Variants in BOD1L1 observed in about 807,000 individuals in gnomAD.
The protein encoded by BOD1L1 is biorientation of chromosomes in cell division protein 1-like 1.
In BOD1L1, 86 loss-of-function variants were observed where a neutral mutation model predicts 240.7. The observed-to-expected ratio is 0.36, with a 90% confidence interval of 0.30 to 0.43. BOD1L1 has a LOEUF of 0.43. Ranked by LOEUF, BOD1L1 falls within the 20% of genes least tolerant of loss-of-function variation. The pLI, the probability that BOD1L1 is intolerant of heterozygous loss-of-function variation, is 1.00. For missense variants in BOD1L1, 3,554 were observed against 3,643.5 expected, an observed-to-expected ratio of 0.98 and a Z score of 0.63; for synonymous variants, 1,268 against 1,272.3, an observed-to-expected ratio of 1.00 and a Z score of 0.07.
rs1442635065 is a variant in BOD1L1, at chr4:13,601,143, A to T, written c.5757T>A (p.Ala1919=). ...CATTTGCATTCATGATGGCAGCTCC[A>T]GCCTCAGCTTCCACATGCTCTACCA... is the stretch of plus-strand genomic sequence containing the variant. ...GTVVEHVEAE[A]GAAIMNANEN... is the part of the protein sequence containing the mutation. The change falls in exon 10 of 26, where the codon GCT becomes GCA. Residue 1919 remains alanine, a synonymous_variant. Transcript: ENST00000040738. 1.2e-6 allele frequency: 2 copies of T among 1,614,026 alleles called. No individual in the cohort carries two copies. Among genetic ancestry groups the T allele is most frequent in the Non-Finnish European group, 1.7e-6 (2 of 1,179,898 alleles).
intron 11 of BOD1L1, among the ~76,000 whole-genome samples, chr4:13,596,624 A>G (rs1308963376): frequency 2.0e-5 from 3 of 151,166 alleles, no homozygotes; most frequent in African/African-American, 7.3e-5. Context: ...GCATGATGGG[A>G]AGCCACCACA....
chr4:13,600,324 C>T lies in BOD1L1; in HGVS notation c.6576G>A (p.Gly2192=). The change falls in exon 10 of 26, where the codon GGG becomes GGA. Residue 2192 remains glycine (G), a synonymous_variant. Transcript: ENST00000040738. The part of the protein sequence containing the change: ...PVLISTADFE[G]PMPSAPPEAE... Reference sequence around the variant, plus strand: ...CTTCTGGGGGCGCACTGGGCATAGGCCCCTCAAAGTCGGCGGTGCTTATCA... The same window carrying T: ...CTTCTGGGGGCGCACTGGGCATAGGTCCCTCAAAGTCGGCGGTGCTTATCA... 2.5e-6 allele frequency: 4 copies of T among 1,614,040 alleles called. No individual in the cohort carries two copies. The highest frequency in any genetic ancestry group is 3.4e-6 in the Non-Finnish European group (4 of 1,179,900).
intron 2 of BOD1L1, 100 bp from the exon 3 acceptor site, chr4:13,615,602 T>G: frequency 1.8e-6 from 2 of 1,125,842 alleles, no homozygotes; most frequent in Non-Finnish European, 2.5e-6. Context: ...TATCTATCCA[T>G]CCATCCAACC....
chr4:13,620,946 A>G (rs980586987), intron 1 of BOD1L1, among the ~76,000 whole-genome samples: 3 of 152,142 alleles, frequency 2.0e-5, no homozygotes, highest in Non-Finnish European at 4.4e-5. Context: ...GTCTGGAGAC[A>G]TTTTAGGTTG....
chr4:13,607,325 G>A (rs964640981), intron 8 of BOD1L1, 136 bp from the exon 9 acceptor site: 1 of 321,594 alleles, frequency 3.1e-6, no homozygotes, highest in Admixed American at 5.3e-5. Context: ...TTGAGGTGGA[G>A]TCTTGCTCTT....
Position 13,603,575 on chromosome 4 carries a change from C to G in BOD1L1, c.3325G>C (p.Gly1109Arg). The G allele has an allele frequency of 6.2e-7, 1 of 1,613,990 alleles. No homozygotes were observed. The highest frequency in any genetic ancestry group is 1.7e-5 in the Admixed American group (1 of 60,034). ...GSSLQRPKKSGDMTLIPEQEP... is the reference protein window; with the variant it reads ...GSSLQRPKKSRDMTLIPEQEP... ...TGTTCAGGGATCAATGTCATATCAC[C>G]ACTCTTTTTTGGTCTCTGAAGGGAG... Residue 1109 changes from glycine to arginine, a missense_variant, in exon 10 of 26, where the codon GGT (glycine) becomes CGT (arginine). Coordinates refer to ENST00000040738, the MANE Select transcript of BOD1L1 (RefSeq NM_148894.3).
At position 13,601,680 on chromosome 4, in the gene BOD1L1, C is replaced by A. The variant is rs1715187832; in HGVS notation, c.5220G>T (p.Val1740=). 2.5e-6 allele frequency: 4 copies of A among 1,613,868 alleles called. No homozygotes were observed. The African/African-American group carries it at 5.3e-5, about 22-fold the overall frequency. ...GCCCTGCTCCAGTTACTGAGCAGAT[C>A]ACAAAGTTATCACTTCTGCCTTCTG... ...TGAEGRSDNF[V]ICSVTGAGPR... is the part of the protein sequence containing the mutation. The change falls in exon 10 of 26, where the codon GTG becomes GTT. Residue 1740 remains valine, a synonymous_variant. Transcript: ENST00000040738.
Position 13,603,411 on chromosome 4 carries a change from T to G in BOD1L1, c.3489A>C (p.Gln1163His), listed in dbSNP as rs1279867515. The change falls in exon 10 of 26, where the codon CAA becomes CAC. Residue 1163 changes from glutamine to histidine, a missense_variant. Physicochemically the swap from Gln to His is conservative, Grantham distance 24. Coordinates refer to ENST00000040738, the MANE Select transcript of BOD1L1 (RefSeq NM_148894.3). Reference protein sequence around the residue: ...NMKQKTSATVQKDELRTCTAD... With the variant: ...NMKQKTSATVHKDELRTCTAD... ...CTGTGCAAGTTCTCAATTCATCCTT[T>G]TGAACAGTGGCAGAAGTTTTTTGTT... The G allele has an allele frequency of 6.2e-7, 1 of 1,613,744 alleles. No homozygotes were observed. The highest frequency in any genetic ancestry group is 2.2e-5 in the East Asian group (1 of 44,888).
At chr4:13,590,894 T>G (rs1468763377) in intron 13 of BOD1L1, among the ~76,000 whole-genome samples, 1 of 152,146 alleles carries the variant, frequency 6.6e-6, no homozygotes, top group African/African-American at 2.4e-5. Context: ...TATAATATCC[T>G]AAGTCCTAGC....
chr4:13,613,613 A>ACTG lies in BOD1L1; in HGVS notation c.1220_1222dup (p.Thr407_Val408insAla). The ACTG allele has an allele frequency of 6.2e-7, 1 of 1,607,392 alleles. No individual in the cohort carries two copies. Among genetic ancestry groups the ACTG allele is most frequent in the Non-Finnish European group, 8.5e-7 (1 of 1,175,338 alleles). The stretch of plus-strand genomic sequence containing the variant: ...AAGGTCACTGGTATGAACAGAGCTA[A>ACTG]CTGTGATGTCTGTAAGTCCATCCAC... On this transcript the variant is annotated inframe_insertion, in exon 5 of 26. Transcript: ENST00000040738. This position sits in a 1 kb window ranked among gnomAD's most constrained non-coding sequence, Gnocchi z 4.0.
chr4:13,608,899 G>A (rs1715941765), intron 7 of BOD1L1, among the ~76,000 whole-genome samples: 1 of 152,112 alleles, frequency 6.6e-6, no homozygotes. Context: ...TAGGATTAGT[G>A]CCCAGAGGGA....
In BOD1L1 at chr4:13,570,041, CT is replaced by C; in HGVS notation, c.9125del (p.Glu3042GlyfsTer5). On this transcript the variant is annotated frameshift_variant, in exon 26 of 26. Coordinates refer to ENST00000040738, the MANE Select transcript of BOD1L1 (RefSeq NM_148894.3). LOFTEE classifies it high-confidence loss of function. ...GCTTCGCTTTTTTCACAGGGGCTTC[CT>C]CCACCCTTTGCTGGCCTCTTGTTCG... ...GARTRGQQRV[E>X]EAPVKKAKR 1 of 1,606,376 alleles carries C rather than the reference CT, an allele frequency of 6.2e-7. No homozygotes were observed. Among genetic ancestry groups the C allele is most frequent in the South Asian group, 1.1e-5 (1 of 89,944 alleles).
rs748675958 is a variant in BOD1L1, at chr4:13,609,302, C to G, written c.1596G>C (p.Lys532Asn). ...KAEKTKSSKT[K>N]GQGRSSVDLE... is the part of the protein sequence containing the mutation. ...AAAAGTTGACATCTATACCTTGACCCTTGGTTTTTGAAGACTTTGTCTTTT... is the reference window on the plus strand; with the variant it reads ...AAAAGTTGACATCTATACCTTGACCGTTGGTTTTTGAAGACTTTGTCTTTT... Residue 532 changes from lysine (K) to asparagine (N), a missense_variant, in exon 7 of 26, where the codon AAG (lysine) becomes AAC (asparagine). Physicochemically the swap from Lys to Asn is moderately conservative, Grantham distance 94 (BLOSUM62 0). Around this residue, in one of 2 missense-constraint regions of BOD1L1, gnomAD observed 3,393 missense variants for 3,427.1 expected, o/e 0.99. Transcript: ENST00000040738. 16 of 1,532,580 alleles carry G rather than the reference C, an allele frequency of 1.0e-5. No individual in the cohort carries two copies. Among genetic ancestry groups the G allele is most frequent in the Non-Finnish European group, 1.1e-5 (13 of 1,143,390 alleles). 94.9% of individuals were successfully genotyped at this position (1,532,580 alleles called of 1,614,324 possible).
rs1476960384 is a variant in BOD1L1, at chr4:13,568,894, A to G, written c.*1117T>C. On this transcript the variant is annotated 3_prime_UTR_variant, in exon 26 of 26. Transcript: ENST00000040738. ...TATAAAACAAGAATATGAACAAAAC[A>G]TTTTAAAATAATCTCAATTATTTGG... 1 of 152,218 alleles carries G rather than the reference A, an allele frequency of 6.6e-6. No individual in the cohort carries two copies. The allele number at this position is 152,218 out of a possible 1,614,324, so 9.4% of individuals were successfully genotyped here.
chr4:13,627,109 TA>T (rs1374804385), intron 1 of BOD1L1, among the ~76,000 whole-genome samples: 2 of 152,216 alleles, frequency 1.3e-5, no homozygotes, highest in Non-Finnish European at 2.9e-5. Flanking sequence ...AACAATGCCT[TA>T]GTCTTGCTCA....
chr4:13,623,144 T>C (rs1717150764), intron 1 of BOD1L1, among the ~76,000 whole-genome samples: 1 of 152,186 alleles, frequency 6.6e-6, no homozygotes. Context: ...CTCATCTTGC[T>C]TTTTTCCATA....
chr4:13,607,578 G>A (rs932476113), intron 8 of BOD1L1, among the ~76,000 whole-genome samples: 3 of 152,186 alleles, frequency 2.0e-5, no homozygotes, highest in Non-Finnish European at 4.4e-5. Flanking sequence ...GATTAAAGGC[G>A]TGAGCCACCG....
chr4:13,609,518 G>A, intron 6 of BOD1L1, 112 bp from the exon 7 acceptor site: 4 of 649,650 alleles, frequency 6.2e-6, no homozygotes, highest in East Asian at 3.1e-5. Context: ...ACAAATTAAC[G>A]GGCTCTGAAA....
In BOD1L1 at chr4:13,603,366, A is replaced by G; in HGVS notation, c.3534T>C (p.Ala1178=). Residue 1178 remains alanine, a synonymous_variant, in exon 10 of 26, where the codon GCT becomes GCC. Coordinates refer to ENST00000040738, the MANE Select transcript of BOD1L1 (RefSeq NM_148894.3). The stretch of plus-strand genomic sequence containing the variant: ...TTCCACGGCCTGGCTTATAAGCTGG[A>G]GCTGTTGCTTTTGAATCTGCTGTGC... ...RTCTADSKAT[A]PAYKPGRGTG... is the part of the protein sequence containing the mutation. 1 of 1,613,968 alleles carries G rather than the reference A, an allele frequency of 6.2e-7. No homozygotes were observed. The highest frequency in any genetic ancestry group is 8.5e-7 in the Non-Finnish European group (1 of 1,179,882).
Sources: allele counts gnomAD v4.1 joint callset (sites outside exome capture counted in the v4.1 genomes callset), GRCh38; gene constraint gnomAD v4.1.1; regional missense constraint gnomAD v4.1.1; non-coding constraint Gnocchi (gnomAD v3.1); transcripts MANE v1.5; gene names NCBI Gene and HGNC (gene_info 2026-07-23, HGNC 2026-07-21).